The following L2HGDH variants were observed in gnomAD, a reference collection of about 807,000 sequenced individuals.
L2HGDH encodes the protein L-2-hydroxyglutarate dehydrogenase, mitochondrial.
Under a neutral mutation model 51.5 loss-of-function variants are expected in L2HGDH, and 34 were observed. That is an observed-to-expected ratio of 0.66 (90% CI 0.50 to 0.88). The LOEUF (loss-of-function observed/expected upper bound fraction) is 0.88. Among genes scored for constraint, L2HGDH ranks in the 40% least tolerant of loss-of-function variants. The pLI, the probability that L2HGDH is intolerant of heterozygous loss-of-function variation, is 0.00. For synonymous variants in L2HGDH, 198 were observed against 197.9 expected, an observed-to-expected ratio of 1.00 and a Z score of -0.01; for missense variants, 558 against 571.9, an observed-to-expected ratio of 0.98 and a Z score of 0.25.
In L2HGDH at chr14:50,302,800, A is replaced by G. The variant is rs79107050; in HGVS notation, c.256+102T>C. 958 of 860,838 alleles carry G rather than the reference A, an allele frequency of 1.1e-3. 6 individuals carry two copies. The African/African-American group carries it at 0.014, about 12-fold the overall frequency. 53.3% of individuals were successfully genotyped at this position (860,838 alleles called of 1,614,324 possible). The stretch of plus-strand genomic sequence containing the variant: ...TCCCACACTCTGCTTTTAGAACACA[A>G]ACTAAGAAACTAACACTGACATTCA... On this transcript the variant is annotated intron_variant, in intron 2 of 9. Coordinates refer to ENST00000267436, the MANE Select transcript of L2HGDH (RefSeq NM_024884.3).
rs955133010 is a variant in L2HGDH, at chr14:50,243,250, T to A, written c.*3808A>T. ...CACCAAAAATATACTTGCTGGTACA[T>A]CAAGAGTTCCTCACAAACACTCTGA... On this transcript the variant is annotated 3_prime_UTR_variant, in exon 10 of 10. Coordinates refer to ENST00000267436, the MANE Select transcript of L2HGDH (RefSeq NM_024884.3). The A allele has an allele frequency of 1.0e-6, 1 of 985,262 alleles. No homozygotes were observed. The highest frequency in any genetic ancestry group is 1.2e-6 in the Non-Finnish European group (1 of 829,926). The allele number at this position is 985,262 out of a possible 1,614,324, so 61.0% of individuals were successfully genotyped here.
In L2HGDH at chr14:50,259,485, C is replaced by T. The variant is rs1014078319; in HGVS notation, c.1196+5873G>A. On this transcript the variant is annotated intron_variant, in intron 9 of 9. Coordinates refer to ENST00000267436, the MANE Select transcript of L2HGDH (RefSeq NM_024884.3). ...TCGGCCTCTCAAAGTGCTGAGATTA[C>T]AGGCATGAGCCACCCCGCCCGGCCT... Among the ~76,000 whole-genome samples, 45 of 149,288 alleles carry T rather than the reference C, an allele frequency of 3.0e-4. 1 individual carries two copies. Among genetic ancestry groups the T allele is most frequent in the Non-Finnish European group, 7.4e-5 (5 of 67,596 alleles).
intron 9 of L2HGDH, among the ~76,000 whole-genome samples, chr14:50,262,379 G>A (rs903432613): frequency 6.8e-6 from 1 of 147,014 alleles, no homozygotes; most frequent in African/African-American, 2.5e-5. Flanking sequence ...GTAGTAAGCC[G>A]ACATTGTACC....
rs1449062226 is a variant in L2HGDH, at chr14:50,291,166, C to T, written c.540+2949G>A. Among the ~76,000 whole-genome samples, 4 of 134,278 alleles carry T rather than the reference C, an allele frequency of 3.0e-5. No individual in the cohort carries two copies. The East Asian group carries it at 6.4e-4, about 21-fold the overall frequency. 88.1% of individuals were successfully genotyped at this position (134,278 alleles called of 152,430 possible). A position where few individuals can be genotyped will look rare whatever the true frequency, so the allele number is the denominator to read the frequency against. On this transcript the variant is annotated intron_variant, in intron 4 of 9. Coordinates refer to ENST00000267436, the MANE Select transcript of L2HGDH (RefSeq NM_024884.3). ...TGAGCCGAAATTGTGCCACTGCACTCCAGCTTGGGGGACAGACTGAGACTC... is the reference window on the plus strand; with the variant it reads ...TGAGCCGAAATTGTGCCACTGCACTTCAGCTTGGGGGACAGACTGAGACTC...
At chr14:50,281,387 G>A (rs904163525) in intron 5 of L2HGDH, among the ~76,000 whole-genome samples, 87 of 152,152 alleles carry the variant, frequency 5.7e-4, no homozygotes, top group African/African-American at 2.0e-3. Flanking sequence ...GAGGTTAAGC[G>A]TTTAAGACCA....
intron 4 of L2HGDH, among the ~76,000 whole-genome samples, chr14:50,287,763 T>A (rs993453363): frequency 2.0e-5 from 3 of 148,852 alleles, no homozygotes; most frequent in Non-Finnish European, 3.0e-5. Flanking sequence ...AGTGGTGCGA[T>A]CTTGGCTCAC....
chr14:50,303,781 C>CAA (rs59420070), intron 1 of L2HGDH, among the ~76,000 whole-genome samples: 7 of 29,684 alleles, frequency 2.4e-4, no homozygotes, highest in African/African-American at 4.6e-4. Context: ...GACCCTGTCT[C>CAA]AAAAAAAAAA....
intron 6 of L2HGDH, among the ~76,000 whole-genome samples, chr14:50,270,318 C>T (rs1889598380): frequency 6.6e-6 from 1 of 152,194 alleles, no homozygotes; most frequent in South Asian, 2.1e-4. Context: ...TCCTAAATGA[C>T]TTCATTTATC....
intron 9 of L2HGDH, among the ~76,000 whole-genome samples, chr14:50,249,932 C>T (rs61982731): frequency 0.31 from 39,835 of 127,464 alleles, 7,276 homozygotes; most frequent in Middle Eastern, 0.45. Context: ...GACAGAGTCT[C>T]GCTCTGTTGC....
intron 5 of L2HGDH, among the ~76,000 whole-genome samples, chr14:50,281,267 A>C (rs1890255919): frequency 6.6e-6 from 1 of 152,128 alleles, no homozygotes; most frequent in South Asian, 2.1e-4. Context: ...ATGTCATGAA[A>C]ATTTTTTTCT....
intron 9 of L2HGDH, among the ~76,000 whole-genome samples, chr14:50,259,425 T>C (rs934422283): frequency 6.8e-6 from 1 of 147,310 alleles, no homozygotes; most frequent in African/African-American, 2.5e-5. Flanking sequence ...CTGATCTCAC[T>C]ATGTTGCCAA....
intron 3 of L2HGDH, among the ~76,000 whole-genome samples, chr14:50,297,469 T>C (rs906791297): frequency 6.6e-6 from 1 of 152,154 alleles, no homozygotes; most frequent in Non-Finnish European, 1.5e-5. Context: ...TCATATTCTA[T>C]GCATTAGCAA....
intron 6 of L2HGDH, among the ~76,000 whole-genome samples, chr14:50,277,826 A>ATC (rs1566520790): frequency 5.9e-5 from 8 of 135,956 alleles, no homozygotes; most frequent in Admixed American, 1.5e-4. Flanking sequence ...TAATAATAAT[A>ATC]ATCTGGTGGC....
intron 9 of L2HGDH, among the ~76,000 whole-genome samples, chr14:50,248,049 C>G (rs1888112485): frequency 6.6e-6 from 1 of 152,122 alleles, no homozygotes; most frequent in South Asian, 2.1e-4. Context: ...ATCCTCCCAC[C>G]TTAGCCTCCC....
At chr14:50,248,905 A>C (rs1888168039) in intron 9 of L2HGDH, among the ~76,000 whole-genome samples, 1 of 152,206 alleles carries the variant, frequency 6.6e-6, no homozygotes, top group African/African-American at 2.4e-5. Context: ...TGAGGAGGGC[A>C]GAAAAGATGG....
chr14:50,277,878 G>C (rs1890061548), intron 6 of L2HGDH, among the ~76,000 whole-genome samples: 1 of 151,900 alleles, frequency 6.6e-6, no homozygotes, highest in African/African-American at 2.4e-5. Context: ...GGTCATCCTA[G>C]TCCAATGAGG....
At chr14:50,266,922 G>A (rs372622128) in intron 8 of L2HGDH, among the ~76,000 whole-genome samples, 23 of 152,032 alleles carry the variant, frequency 1.5e-4, no homozygotes, top group Admixed American at 3.3e-4. Context: ...CAACACAATC[G>A]TATTGTTAGT....
In L2HGDH at chr14:50,242,842, G is replaced by C. The variant is rs577755253; in HGVS notation, c.*4216C>G. Reference sequence around the variant, plus strand: ...GAAAGATGAGGAAACCTCTGACCAAGAAGTCTAGACACAGATTAAGGGCCC... The same window carrying C: ...GAAAGATGAGGAAACCTCTGACCAACAAGTCTAGACACAGATTAAGGGCCC... On this transcript the variant is annotated 3_prime_UTR_variant, in exon 10 of 10. Coordinates refer to ENST00000267436, the MANE Select transcript of L2HGDH (RefSeq NM_024884.3). 5 of 985,408 alleles carry C rather than the reference G, an allele frequency of 5.1e-6. No homozygotes were observed. In the East Asian group the frequency reaches 4.5e-4, roughly 89 times the overall value. The allele number at this position is 985,408 out of a possible 1,614,324, so 61.0% of individuals were successfully genotyped here.
chr14:50,251,244 C>T (rs968109025), intron 9 of L2HGDH, among the ~76,000 whole-genome samples: 11 of 151,606 alleles, frequency 7.3e-5, no homozygotes, highest in Admixed American at 6.6e-4. Flanking sequence ...AAGAATATAT[C>T]AGAGTCTCAA....
Sources: gnomAD v4.1 joint callset for allele counts (sites outside exome capture counted in the v4.1 genomes callset) on GRCh38, gnomAD v4.1.1 for gene constraint, MANE v1.5 for transcripts, NCBI Gene and HGNC (gene_info 2026-07-23, HGNC 2026-07-21) for gene names.